The following SYNJ1 variants were observed in gnomAD, a reference collection of about 807,000 sequenced individuals.
SYNJ1 encodes polyphosphatidylinositol phosphatase SYNJ1.
A neutral mutation model predicts 168.2 loss-of-function variants in SYNJ1; 78 were observed. That is an observed-to-expected ratio of 0.46 (90% CI 0.39 to 0.56). SYNJ1 has a LOEUF of 0.56. Among genes scored for constraint, SYNJ1 ranks in the 20% least tolerant of loss-of-function variants. SYNJ1 has a pLI of 0.00. For synonymous variants in SYNJ1, 539 were observed against 548.6 expected, an observed-to-expected ratio of 0.98 and a Z score of 0.24; for missense variants, 1,303 against 1,597.6, an observed-to-expected ratio of 0.82 and a Z score of 3.14.
intron 32 of SYNJ1, among the ~76,000 whole-genome samples, chr21:32,633,687 G>A (rs995954322): frequency 8.5e-5 from 13 of 152,324 alleles, no homozygotes; most frequent in African/African-American, 2.9e-4. Flanking sequence ...TGCATACTAT[G>A]AAACACTTAG....
chr21:32,648,467 T>G (rs2040153276), intron 23 of SYNJ1, among the ~76,000 whole-genome samples: 1 of 152,220 alleles, frequency 6.6e-6, no homozygotes, highest in South Asian at 2.1e-4. Flanking sequence ...TTCTCATCTT[T>G]CTGTGTTACA....
chr21:32,728,148 G>A (rs1028586725), upstream of SYNJ1: 18 of 1,333,650 alleles, frequency 1.3e-5, no homozygotes, highest in African/African-American at 2.3e-4. Flanking sequence ...TGGCACCCGC[G>A]GGCGGCCCCA....
At chr21:32,638,774 TAAC>T (rs2039693564) in intron 31 of SYNJ1, 131 bp downstream of exon 31, 1 of 752,702 alleles carries the variant, frequency 1.3e-6, no homozygotes, top group African/African-American at 1.8e-5. Context: ...ATATGTATAA[TAAC>T]AAATATAAAA....
chr21:32,653,706 A>G, intron 21 of SYNJ1: 1 of 194,816 alleles, frequency 5.1e-6, no homozygotes, highest in Non-Finnish European at 1.1e-5. Flanking sequence ...AAGTGACTCT[A>G]TAAGGAGAAT....
intron 6 of SYNJ1, among the ~76,000 whole-genome samples, chr21:32,690,646 T>C (rs1010409524): frequency 6.6e-6 from 1 of 152,054 alleles, no homozygotes; most frequent in East Asian, 1.9e-4. Context: ...ATCCCAGTAC[T>C]TGGGGAGGCC....
Position 32,641,970 on chromosome 21 carries a change from G to GA in SYNJ1, c.3518-5dup, listed in dbSNP as rs748695499. 3 of 1,613,544 alleles carry GA rather than the reference G, an allele frequency of 1.9e-6. No individual in the cohort carries two copies. The African/African-American group carries it at 4.0e-5, about 22-fold the overall frequency. On this transcript the variant is annotated splice_region_variant and splice_polypyrimidine_tract_variant and intron_variant, in intron 28 of 32. Transcript: ENST00000674351. ...TGAGGTGAAGGCTGACTGCGTCCTG[G>GA]AACAAAGACATCATATCATATATTT...
intron 4 of SYNJ1, 84 bp downstream of exon 4, chr21:32,699,754 G>A (rs2042333050): frequency 1.3e-6 from 2 of 1,497,318 alleles, no homozygotes; most frequent in Non-Finnish European, 1.8e-6. Flanking sequence ...CTTTCTTGCT[G>A]TCACGGTGAG....
chr21:32,695,858 C>CT (rs2042192367), intron 4 of SYNJ1, among the ~76,000 whole-genome samples: 1 of 126,310 alleles, frequency 7.9e-6, no homozygotes, highest in Non-Finnish European at 1.7e-5. Flanking sequence ...TTTTTTTTTT[C>CT]TTTTTTGAGA....
chr21:32,670,418 A>G, intron 14 of SYNJ1, 46 bp from the exon 15 acceptor site: 1 of 1,437,968 alleles, frequency 7.0e-7, no homozygotes, highest in Non-Finnish European at 9.7e-7. Flanking sequence ...AGCCTCAGGC[A>G]AATAGCAACC....
intron 32 of SYNJ1, among the ~76,000 whole-genome samples, chr21:32,634,295 T>A (rs924083402): frequency 6.6e-6 from 1 of 152,214 alleles, no homozygotes; most frequent in Non-Finnish European, 1.5e-5. Flanking sequence ...TAATTTGTAA[T>A]CTAAGCAGGA....
At chr21:32,720,682 T>G (rs564240533) in intron 2 of SYNJ1, among the ~76,000 whole-genome samples, 242 of 152,358 alleles carry the variant, frequency 1.6e-3, no homozygotes, top group South Asian at 8.5e-3. Flanking sequence ...TAAAAGCAAT[T>G]CATCCTTACT....
chr21:32,690,207 T>C (rs2041971816), intron 6 of SYNJ1, among the ~76,000 whole-genome samples: 1 of 152,072 alleles, frequency 6.6e-6, no homozygotes, highest in African/African-American at 2.4e-5. Flanking sequence ...CTAGATTAGA[T>C]TTCTGTTTTT....
In SYNJ1 at chr21:32,644,835, G is replaced by A. The variant is rs1296520785; in HGVS notation, c.3430+133C>T. The A allele has an allele frequency of 4.9e-6, 5 of 1,012,686 alleles. No homozygotes were observed. In the African/African-American group the frequency reaches 8.4e-5, roughly 17 times the overall value. The allele number at this position is 1,012,686 out of a possible 1,614,324, so 62.7% of individuals were successfully genotyped here. ...ACCTGGGAAATGAAAGCCTTTATTA[G>A]TTTTATTTGTGGATTAGTTTTAAAC... On this transcript the variant is annotated intron_variant, in intron 26 of 32. Transcript: ENST00000674351.
intron 11 of SYNJ1, 121 bp from the exon 12 acceptor site, chr21:32,678,922 T>A: frequency 7.5e-7 from 1 of 1,331,776 alleles, no homozygotes; most frequent in Non-Finnish European, 1.0e-6. Context: ...AAGGACCTAA[T>A]CGTTCTATTT....
chr21:32,697,669 C>T (rs529422153), intron 4 of SYNJ1, among the ~76,000 whole-genome samples: 7 of 152,286 alleles, frequency 4.6e-5, no homozygotes, highest in Admixed American at 1.3e-4. Context: ...TGCGTGGTGG[C>T]GCACGCCTGT....
intron 6 of SYNJ1, among the ~76,000 whole-genome samples, chr21:32,692,051 G>A (rs2042044989): frequency 6.6e-6 from 1 of 152,050 alleles, no homozygotes; most frequent in African/African-American, 2.4e-5. Flanking sequence ...GGGCCTAGAG[G>A]GACAAGACAG....
At chr21:32,680,673 T>G (rs898340409) in intron 11 of SYNJ1, among the ~76,000 whole-genome samples, 4 of 152,030 alleles carry the variant, frequency 2.6e-5, no homozygotes, top group Non-Finnish European at 4.4e-5. Flanking sequence ...TGGAGTGCAG[T>G]GGCGTGATCT....
chr21:32,720,176 T>G (rs1226994464), intron 2 of SYNJ1, among the ~76,000 whole-genome samples: 2 of 152,022 alleles, frequency 1.3e-5, no homozygotes, highest in African/African-American at 4.8e-5. Context: ...GAGGCAGAGG[T>G]TGCAGTGAGC....
chr21:32,656,977 A>G, intron 20 of SYNJ1, 26 bp downstream of exon 20: 1 of 1,611,182 alleles, frequency 6.2e-7, no homozygotes, highest in African/African-American at 1.3e-5. Context: ...TTCAAACACT[A>G]TTAGAAAAAC....
Sources: gnomAD v4.1 joint callset for allele counts (sites outside exome capture counted in the v4.1 genomes callset) on GRCh38, gnomAD v4.1.1 for gene constraint, MANE v1.5 for transcripts, NCBI Gene and HGNC (gene_info 2026-07-23, HGNC 2026-07-21) for gene names.